The following CHD6 variants were observed in gnomAD, a reference collection of about 807,000 sequenced individuals.
CHD6 encodes the protein ATP-dependent chromatin remodeler CHD6.
Under a neutral mutation model 276.9 loss-of-function variants are expected in CHD6, and 50 were observed. That is an observed-to-expected ratio of 0.18 (90% confidence interval 0.14 to 0.23). The LOEUF is 0.23. CHD6 is among the 10% of genes least tolerant of loss of function. The pLI is 1.00. For synonymous variants in CHD6, 1,173 were observed against 1,229.3 expected (o/e 0.95, Z 0.96); for missense variants, 2,564 against 3,365.8 (o/e 0.76, Z 5.89).
intron 33 of CHD6, among the ~76,000 whole-genome samples, chr20:41,416,054 T>G (rs1447641243): frequency 6.6e-6 from 1 of 152,190 alleles, no homozygotes; most frequent in Admixed American, 6.5e-5. Flanking sequence ...CTGATTCCAA[T>G]GTGCAGTTGA....
Position 41,404,428 on chromosome 20 carries a change from C to T in CHD6, c.*165G>A, listed in dbSNP as rs558973398. ...CACTTATCTAATGAAGTGGTGAGAC[C>T]CTGCAACTATTAACATCTGTTACCA... On this transcript the variant is annotated 3_prime_UTR_variant, in exon 37 of 37. Transcript: ENST00000373233. The T allele has an allele frequency of 3.3e-5, 43 of 1,319,762 alleles. No individual in the cohort carries two copies. Among genetic ancestry groups the T allele is most frequent in the South Asian group, 2.0e-4 (7 of 34,976 alleles). The allele number at this position is 1,319,762 out of a possible 1,614,324, so 81.8% of individuals were successfully genotyped here.
At chr20:41,520,305 G>C (rs1298059976) in intron 3 of CHD6, among the ~76,000 whole-genome samples, 1 of 152,132 alleles carries the variant, frequency 6.6e-6, no homozygotes, top group Non-Finnish European at 1.5e-5. Context: ...ATTTGACCCA[G>C]CAATCCCATT....
At chr20:41,544,245 AAAAC>A (rs1266268591) in intron 2 of CHD6, among the ~76,000 whole-genome samples, 5 of 152,186 alleles carry the variant, frequency 3.3e-5, no homozygotes, top group Admixed American at 6.5e-5. Flanking sequence ...GTCTCAAAAA[AAAAC>A]AAAGTTAGGC....
At chr20:41,547,166 T>C (rs546720036) in intron 2 of CHD6, among the ~76,000 whole-genome samples, 29 of 152,298 alleles carry the variant, frequency 1.9e-4, no homozygotes, top group African/African-American at 7.0e-4. Flanking sequence ...CTCAGAATCA[T>C]GGTAAAAGAC....
chr20:41,484,028 A>G (rs1198779250), intron 15 of CHD6, among the ~76,000 whole-genome samples: 6 of 152,208 alleles, frequency 3.9e-5, no homozygotes, highest in Non-Finnish European at 8.8e-5. Context: ...CCTGTCCCCA[A>G]GTAGAAAGTG....
chr20:41,583,154 C>G (rs1235931979), intron 1 of CHD6, among the ~76,000 whole-genome samples: 1 of 151,934 alleles, frequency 6.6e-6, no homozygotes, highest in Non-Finnish European at 1.5e-5. Context: ...CCCAGAGAAC[C>G]CTACAGAATA....
intron 5 of CHD6, among the ~76,000 whole-genome samples, chr20:41,505,075 G>T (rs1269582376): frequency 1.3e-5 from 2 of 152,172 alleles, no homozygotes; most frequent in African/African-American, 4.8e-5. Context: ...TGAGTATCCA[G>T]GGTCACTGAC....
chr20:41,516,836 T>C (rs932743997), intron 3 of CHD6, among the ~76,000 whole-genome samples: 2 of 151,986 alleles, frequency 1.3e-5, no homozygotes, highest in East Asian at 1.9e-4. Context: ...TGGAAATGCT[T>C]TGAAAGGCCC....
chr20:41,543,119 AG>A (rs2044977293), intron 2 of CHD6, among the ~76,000 whole-genome samples: 1 of 150,050 alleles, frequency 6.7e-6, no homozygotes, highest in Non-Finnish European at 1.5e-5. Flanking sequence ...AAAAAAAAAA[AG>A]GATGTCAATA....
At chr20:41,406,766 C>T (rs2046689613) in intron 36 of CHD6, among the ~76,000 whole-genome samples, 1 of 152,224 alleles carries the variant, frequency 6.6e-6, no homozygotes, top group Non-Finnish European at 1.5e-5. Context: ...CGACTGCCCT[C>T]CACACCTCAC....
Position 41,403,957 on chromosome 20 carries a change from AGG to A in CHD6, c.*634_*635del. 2.8e-6 allele frequency: 3 copies of A among 1,053,798 alleles called. No individual in the cohort carries two copies. The highest frequency in any genetic ancestry group is 3.4e-6 in the Non-Finnish European group (3 of 872,074). The allele number at this position is 1,053,798 out of a possible 1,614,324, so 65.3% of individuals were successfully genotyped here. ...GTCAGTCAGTATTTCTTCTTGCTGC[AGG>A]TGTCTGAAAAACCACCAAGGGGGAA... On this transcript the variant is annotated 3_prime_UTR_variant, in exon 37 of 37. Coordinates refer to ENST00000373233, the MANE Select transcript of CHD6 (RefSeq NM_032221.5).
intron 18 of CHD6, 151 bp downstream of exon 18, chr20:41,457,113 G>A (rs1354937324): frequency 1.8e-5 from 15 of 822,330 alleles, no homozygotes; most frequent in Non-Finnish European, 2.7e-5. Context: ...GACTCTTAAC[G>A]ATGCCCTGTT....
At position 41,533,232 on chromosome 20, in the gene CHD6, C is replaced by T. The variant is rs61756303; in HGVS notation, c.372G>A (p.Pro124=). 4.6e-5 allele frequency: 75 copies of T among 1,613,498 alleles called. No individual in the cohort carries two copies. Among genetic ancestry groups the T allele is most frequent in the Admixed American group, 3.5e-4 (21 of 59,892 alleles). ...REPKPKRKRE[P]KEPKEPRKAK... ...CCTTTCTGGGTTCCTTTGGCTCTTT[C>T]GGTTCTCGTTTCCTCTTTGGCTTGG... Residue 124 remains proline (P), a synonymous_variant, in exon 3 of 37, where the codon CCG becomes CCA. Transcript: ENST00000373233.
At chr20:41,613,258 T>C (rs1212745696) in intron 1 of CHD6, among the ~76,000 whole-genome samples, 1 of 152,174 alleles carries the variant, frequency 6.6e-6, no homozygotes, top group Admixed American at 6.5e-5. Flanking sequence ...TCTTCTTCAA[T>C]GTAAGAAAGA....
intron 5 of CHD6, among the ~76,000 whole-genome samples, chr20:41,510,290 C>T (rs907749038): frequency 2.0e-5 from 3 of 152,188 alleles, no homozygotes; most frequent in Non-Finnish European, 4.4e-5. Flanking sequence ...CCTCAGGAAG[C>T]CCAGTATGTA....
intron 34 of CHD6, 70 bp downstream of exon 34, chr20:41,415,116 C>T (rs958890837): frequency 1.1e-5 from 17 of 1,507,310 alleles, no homozygotes; most frequent in Middle Eastern, 1.8e-4. Flanking sequence ...TATTTTGCGT[C>T]TGAGGAAGAA....
intron 17 of CHD6, among the ~76,000 whole-genome samples, chr20:41,471,944 A>C (rs1337877789): frequency 6.6e-6 from 1 of 152,136 alleles, no homozygotes; most frequent in Non-Finnish European, 1.5e-5. Context: ...TAAATGAAAA[A>C]GACAAAGGGC....
intron 27 of CHD6, among the ~76,000 whole-genome samples, chr20:41,431,615 C>T (rs1479132406): frequency 6.6e-6 from 1 of 152,092 alleles, no homozygotes; most frequent in East Asian, 1.9e-4. Context: ...AAATGCAATA[C>T]AGACTGCCGC....
chr20:41,480,553 C>G (rs2043271056), intron 16 of CHD6, among the ~76,000 whole-genome samples: 1 of 152,106 alleles, frequency 6.6e-6, no homozygotes, highest in Non-Finnish European at 1.5e-5. Context: ...ATGTGGCATA[C>G]TGGGAAGATG....
Sources: allele counts gnomAD v4.1 joint callset (sites outside exome capture counted in the v4.1 genomes callset), GRCh38; gene constraint gnomAD v4.1.1; transcripts MANE v1.5; gene names NCBI Gene and HGNC (gene_info 2026-07-23, HGNC 2026-07-21).